C1orf167: variants seen among roughly 807,000 people sequenced by gnomAD.
C1orf167 encodes chromosome 1 open reading frame 167, also known as uncharacterized protein C1orf167.
In C1orf167, 153 loss-of-function variants were observed where a neutral mutation model predicts 176.5. That is an observed-to-expected ratio of 0.87 (90% CI 0.76 to 0.99). The LOEUF (loss-of-function observed/expected upper bound fraction) is 0.99. C1orf167 is among the 50% of genes least tolerant of loss of function. The probability of loss-of-function intolerance (pLI) is 0.00; values close to 1 mark genes in which losing one functional copy is unlikely to be tolerated. For missense variants in C1orf167, 1,490 were observed against 1,817.7 expected, an observed-to-expected ratio of 0.82 and a Z score of 3.28; for synonymous variants, 594 against 752.7, an observed-to-expected ratio of 0.79 and a Z score of 3.45.
At chr1:11,763,941 G>A (rs1411063429) in intron 1 of C1orf167, among the ~76,000 whole-genome samples, 1 of 152,174 alleles carries the variant, frequency 6.6e-6, no homozygotes, top group Non-Finnish European at 1.5e-5. Context: ...GCTGCCATCC[G>A]TGGAAAAGGG....
At chr1:11,771,049 G>GTGTGTGTGTGTGTGTA (rs1491322371) in intron 6 of C1orf167, among the ~76,000 whole-genome samples, 7 of 34,890 alleles carry the variant, frequency 2.0e-4, no homozygotes, top group African/African-American at 6.9e-4. Flanking sequence ...GTGTGTGTGT[G>GTGTGTGTGTGTGTGTA]TATATATATA....
intron 6 of C1orf167, among the ~76,000 whole-genome samples, chr1:11,771,168 C>T (rs1158394769): frequency 7.0e-6 from 1 of 143,572 alleles, no homozygotes; most frequent in Non-Finnish European, 1.5e-5. Flanking sequence ...ATCTGCCCGT[C>T]TCAGCCTCCT....
Position 11,776,628 on chromosome 1 carries a change from C to T in C1orf167, c.2329C>T (p.Gln777Ter). ...LLWKMRLFQR[Q>*]WANSFFQGLQ... ...GTGGAAGATGCGGCTTTTCCAGCGC[C>T]AGTGGGCCAAGTAGGTGTCCTCGAG... is the stretch of plus-strand genomic sequence containing the variant. Residue 777 changes from glutamine (Q) to a stop codon, truncating the protein, a stop_gained, in exon 10 of 21, where the codon CAG (glutamine) becomes TAG (stop). Transcript: ENST00000688073. LOFTEE classifies it high-confidence loss of function. 1 of 1,196,886 alleles carries T rather than the reference C, an allele frequency of 8.4e-7. No individual in the cohort carries two copies. The highest frequency in any genetic ancestry group is 1.5e-5 in the South Asian group (1 of 65,318). The allele number at this position is 1,196,886 out of a possible 1,614,324, so 74.1% of individuals were successfully genotyped here.
chr1:11,787,304 C>T (rs917195359), intron 16 of C1orf167, 84 bp from the exon 17 acceptor site: 3 of 772,366 alleles, frequency 3.9e-6, no homozygotes, highest in African/African-American at 1.8e-5. Flanking sequence ...GTCCTGCCAG[C>T]TAGAGCAGCG....
At position 11,788,678 on chromosome 1, in the gene C1orf167, CTGGCAGACGTGG is replaced by C; in HGVS notation, c.4112_4123del (p.Asp1371_Ala1374del). 7.7e-7 allele frequency: 1 copy of C among 1,304,306 alleles called. No homozygotes were observed. Among genetic ancestry groups the C allele is most frequent in the Non-Finnish European group, 1.0e-6 (1 of 988,960 alleles). 80.8% of individuals were successfully genotyped at this position (1,304,306 alleles called of 1,614,324 possible). A position where few individuals can be genotyped will look rare whatever the true frequency, so the allele number is the denominator to read the frequency against. On this transcript the variant is annotated inframe_deletion, in exon 20 of 21. Coordinates refer to ENST00000688073, the MANE Select transcript of C1orf167 (RefSeq NM_001010881.2). ...TCAGGGAGTGGCACCTGAGATGGGCCTGGCAGACGTGGTGGCAGCGGATCCTGCGACTGCGAG... is the reference window on the plus strand; with the variant it reads ...TCAGGGAGTGGCACCTGAGATGGGCCTGGCAGCGGATCCTGCGACTGCGAG...
chr1:11,764,062 G>GGACC (rs1642663919), intron 1 of C1orf167, among the ~76,000 whole-genome samples: 1 of 152,154 alleles, frequency 6.6e-6, no homozygotes, highest in Non-Finnish European at 1.5e-5. Flanking sequence ...GGAGGTCGCT[G>GGACC]GACCTGCATG....
chr1:11,773,709 G>C (rs1463406089), intron 8 of C1orf167, among the ~76,000 whole-genome samples: 1 of 151,882 alleles, frequency 6.6e-6, no homozygotes, highest in Non-Finnish European at 1.5e-5. Context: ...CTCCATCTCA[G>C]AAATAAGTAA....
chr1:11,783,333 C>T (rs961817641), intron 14 of C1orf167, among the ~76,000 whole-genome samples: 2 of 151,644 alleles, frequency 1.3e-5, no homozygotes, highest in Non-Finnish European at 1.5e-5. Flanking sequence ...CCACAACCTC[C>T]GCCTCCCGGG....
intron 17 of C1orf167, 134 bp from the exon 18 acceptor site, chr1:11,787,739 T>C: frequency 8.8e-7 from 1 of 1,141,982 alleles, no homozygotes. Context: ...CCTGGGGAGA[T>C]GGGGGCAGGG....
At chr1:11,767,306 G>T in intron 4 of C1orf167, 42 bp downstream of exon 4, 1 of 1,270,270 alleles carries the variant, frequency 7.9e-7, no homozygotes, top group Non-Finnish European at 1.0e-6. Flanking sequence ...GGAGTTGGGG[G>T]ACACGTGCTC....
rs1570361996 is a variant in C1orf167, at chr1:11,762,345, C to G, written c.-71+40C>G. 5 of 358,334 alleles carry G rather than the reference C, an allele frequency of 1.4e-5. No individual in the cohort carries two copies. In the East Asian group the frequency reaches 3.0e-4, roughly 22 times the overall value. The allele number at this position is 358,334 out of a possible 1,614,324, so 22.2% of individuals were successfully genotyped here. A position where few individuals can be genotyped will look rare whatever the true frequency, so the allele number is the denominator to read the frequency against. ...ATGAGGGCAGGAAACTGACCTCAGA[C>G]TCTTTTGGTGGCAAGAGGAGGGAGG... On this transcript the variant is annotated intron_variant, in intron 1 of 20. Coordinates refer to ENST00000688073, the MANE Select transcript of C1orf167 (RefSeq NM_001010881.2).
chr1:11,776,548 G>T lies in C1orf167; in HGVS notation c.2249G>T (p.Arg750Leu), dbSNP rs1029593959. ...GQAQGQQEQGRGSLQDACWTL... is the reference protein window; with the variant it reads ...GQAQGQQEQGLGSLQDACWTL... ...GCCCAGGGGCAGCAGGAGCAAGGCC[G>T]GGGCTCCCTGCAGGATGCCTGCTGG... Residue 750 changes from arginine to leucine, a missense_variant, in exon 10 of 21, where the codon CGG becomes CTG. Arg to Leu is a moderately radical substitution (Grantham distance 102, BLOSUM62 -2). Transcript: ENST00000688073. The T allele has an allele frequency of 7.8e-7, 1 of 1,282,708 alleles. No individual in the cohort carries two copies. Among genetic ancestry groups the T allele is most frequent in the Admixed American group, 2.6e-5 (1 of 39,014 alleles). The allele number at this position is 1,282,708 out of a possible 1,614,324, so 79.5% of individuals were successfully genotyped here. A position where few individuals can be genotyped will look rare whatever the true frequency, so the allele number is the denominator to read the frequency against.
At chr1:11,774,122 C>T (rs1036290407) in intron 8 of C1orf167, among the ~76,000 whole-genome samples, 3 of 152,084 alleles carry the variant, frequency 2.0e-5, no homozygotes, top group Non-Finnish European at 2.9e-5. Flanking sequence ...TCAGGCTGGC[C>T]TCGAACTCCT....
Position 11,776,907 on chromosome 1 carries a change from G to A in C1orf167, c.2339+269G>A, listed in dbSNP as rs560127835. 8.6e-4 allele frequency among the ~76,000 whole-genome samples: 131 copies of A among 152,314 alleles called. 4 individuals carry two copies. The South Asian group carries it at 0.019, about 22-fold the overall frequency. ...GGGCTGCCAGAGACACAGACATGGA[G>A]CTCTACAGGGGTGGCCGGAACCCTA... On this transcript the variant is annotated intron_variant, in intron 10 of 20. Transcript: ENST00000688073.
At chr1:11,769,232 G>C (rs1642938342) in intron 6 of C1orf167, 105 bp downstream of exon 6, 1 of 883,838 alleles carries the variant, frequency 1.1e-6, no homozygotes, top group Non-Finnish European at 1.4e-6. Context: ...GAAATAAGCA[G>C]ATGTGGGCAA....
chr1:11,770,412 T>A (rs886291156), intron 6 of C1orf167, among the ~76,000 whole-genome samples: 5 of 151,782 alleles, frequency 3.3e-5, no homozygotes, highest in African/African-American at 9.7e-5. Flanking sequence ...ACTATGCTTA[T>A]CTCTGGGACA....
rs1385146359 is a variant in C1orf167 at position 11,775,529 on chromosome 1, G to C, written c.2083G>C (p.Glu695Gln). Residue 695 changes from glutamate (E) to glutamine (Q), a missense_variant, in exon 9 of 21, where the codon GAA becomes CAA. Glu to Gln is a conservative substitution (Grantham distance 29). Coordinates refer to ENST00000688073, the MANE Select transcript of C1orf167 (RefSeq NM_001010881.2). ...RRTGTLRKCL[E>Q]QWVRMKQLRE... The stretch of plus-strand genomic sequence containing the variant: ...GACGGGGACCCTGAGGAAATGCCTG[G>C]AACAGTGGGTGCGGATGAAGCAGCT... 1 of 1,304,284 alleles carries C rather than the reference G, an allele frequency of 7.7e-7. No homozygotes were observed. The highest frequency in any genetic ancestry group is 1.2e-5 in the South Asian group (1 of 81,030). 80.8% of individuals were successfully genotyped at this position (1,304,284 alleles called of 1,614,324 possible).
chr1:11,775,508 G>T lies in C1orf167; in HGVS notation c.2062G>T (p.Gly688Trp). ...YRDHLADRRT[G>W]TLRKCLEQWV... ...AGACCACCTGGCTGACCGCCGGACG[G>T]GGACCCTGAGGAAATGCCTGGAACA... Residue 688 changes from glycine to tryptophan, a missense_variant, in exon 9 of 21, where the codon GGG (glycine) becomes TGG (tryptophan). Coordinates refer to ENST00000688073, the MANE Select transcript of C1orf167 (RefSeq NM_001010881.2). 7.7e-7 allele frequency: 1 copy of T among 1,304,266 alleles called. No individual in the cohort carries two copies. 80.8% of individuals were successfully genotyped at this position (1,304,266 alleles called of 1,614,324 possible). A position where few individuals can be genotyped will look rare whatever the true frequency, so the allele number is the denominator to read the frequency against.
rs560319585 is a variant in C1orf167 at position 11,789,233 on chromosome 1, C to T, written c.4174-37C>T. 1.5e-4 allele frequency: 197 copies of T among 1,299,840 alleles called. No homozygotes were observed. In the African/African-American group the frequency reaches 2.5e-3, roughly 17 times the overall value. The allele number at this position is 1,299,840 out of a possible 1,614,324, so 80.5% of individuals were successfully genotyped here. On this transcript the variant is annotated intron_variant, in intron 20 of 20. Transcript: ENST00000688073. ...GCACAGCACAGACCCCGGAGAAAGC[C>T]CACAACAATAGCATTTCCTCTCCTC...
Sources: gnomAD v4.1 joint callset for allele counts (sites outside exome capture counted in the v4.1 genomes callset) on GRCh38, gnomAD v4.1.1 for gene constraint, MANE v1.5 for transcripts, NCBI Gene and HGNC (gene_info 2026-07-23, HGNC 2026-07-21) for gene names.